APBA3: variants seen among roughly 807,000 people sequenced by gnomAD.
APBA3 encodes the protein amyloid beta precursor protein binding family A member 3, also known as amyloid-beta A4 precursor protein-binding family A member 3.
Under a neutral mutation model 55.9 loss-of-function variants are expected in APBA3, and 45 were observed. The ratio of observed to expected loss-of-function variants is 0.80; its 90% CI spans 0.63 to 1.03. The LOEUF is 1.03. Ranked by LOEUF, APBA3 falls within the 50% of genes least tolerant of loss-of-function variation. The probability of loss-of-function intolerance (pLI) is 0.00; values close to 1 mark genes in which losing one functional copy is unlikely to be tolerated. For missense variants in APBA3, 865 were observed against 820.3 expected (o/e 1.05, Z -0.67); for synonymous variants, 370 against 353.3 (o/e 1.05, Z -0.53).
Position 3,751,327 on chromosome 19 carries a change from G to C in APBA3, c.1518C>G (p.Ile506Met). Residue 506 changes from isoleucine (I) to methionine (M), a missense_variant and splice_region_variant, in exon 10 of 11, where the codon ATC (isoleucine) becomes ATG (methionine). Ile to Met is a conservative substitution (Grantham distance 10, BLOSUM62 1). Transcript: ENST00000316757. ...QLGFCVEDGI[I>M]CSLLRGGIAE... Reference sequence around the variant, plus strand: ...CGATGCCACCACGGAGGAGGCTGCAGATCTGGGGGAGAAAAGAGGGGGACG... The same window carrying C: ...CGATGCCACCACGGAGGAGGCTGCACATCTGGGGGAGAAAAGAGGGGGACG... 1 of 1,533,340 alleles carries C rather than the reference G, an allele frequency of 6.5e-7. No homozygotes were observed. The highest frequency in any genetic ancestry group is 8.7e-7 in the Non-Finnish European group (1 of 1,142,858). 95.0% of individuals were successfully genotyped at this position (1,533,340 alleles called of 1,614,324 possible).
chr19:3,759,965 G>A lies in APBA3; in HGVS notation c.300C>T (p.His100=), dbSNP rs781265923. 3.5e-5 allele frequency: 56 copies of A among 1,609,906 alleles called. 1 individual carries two copies. The highest frequency in any genetic ancestry group is 3.4e-4 in the Admixed American group (20 of 58,776). ...GLASQEIADA[H]GLLSAEAGRD... ...GGCCAGCTTCGGCAGACAGGAGCCC[G>A]TGGGCATCAGCAATCTCCTGGGAGG... Residue 100 remains histidine, a synonymous_variant, in exon 2 of 11, where the codon CAC becomes CAT. Coordinates refer to ENST00000316757, the MANE Select transcript of APBA3 (RefSeq NM_004886.4).
intron 3 of APBA3, chr19:3,754,944 G>A (rs1305176529): frequency 1.3e-5 from 2 of 151,712 alleles, no homozygotes; most frequent in African/African-American, 4.9e-5. Context: ...TGGGATGACA[G>A]GCGTGAGCCA....
rs192420561 is a variant in APBA3, at chr19:3,761,647, C to G, written c.-149G>C. Reference sequence around the variant, plus strand: ...CCAGAAGGCGCAGCTCGGGGATTCCCGGTCCCGGCGCCCGCTCCTCTATCC... The same window carrying G: ...CCAGAAGGCGCAGCTCGGGGATTCCGGGTCCCGGCGCCCGCTCCTCTATCC... On this transcript the variant is annotated 5_prime_UTR_variant, in exon 1 of 11. Coordinates refer to ENST00000316757, the MANE Select transcript of APBA3 (RefSeq NM_004886.4). 1,128 of 152,550 alleles carry G rather than the reference C, an allele frequency of 7.4e-3. 9 individuals are homozygous for G. The highest frequency in any genetic ancestry group is 0.02 in the Middle Eastern group (6 of 296). The allele number at this position is 152,550 out of a possible 1,614,324, so 9.4% of individuals were successfully genotyped here. A position where few individuals can be genotyped will look rare whatever the true frequency, so the allele number is the denominator to read the frequency against.
chr19:3,760,116 A>G lies in APBA3; in HGVS notation c.149T>C (p.Met50Thr), dbSNP rs1406223604. Residue 50 changes from methionine (M) to threonine (T), a missense_variant, in exon 2 of 11, where the codon ATG becomes ACG. By Grantham distance (81) the Met-to-Thr change is moderately conservative. Transcript: ENST00000316757. ...CTGAAGGCTTGACTCATCAAGTTCC[A>G]TCCGACTGAGGCTGCCGGGGCCTCC... The part of the protein sequence containing the change: ...MPGGPGSLSR[M>T]ELDESSLQEL... 1 of 1,613,378 alleles carries G rather than the reference A, an allele frequency of 6.2e-7. No individual in the cohort carries two copies. Among genetic ancestry groups the G allele is most frequent in the East Asian group, 2.2e-5 (1 of 44,874 alleles).
In APBA3 at chr19:3,750,854, C is replaced by G; in HGVS notation, c.*172G>C. The G allele has an allele frequency of 1.0e-6, 1 of 974,668 alleles. No individual in the cohort carries two copies. Among genetic ancestry groups the G allele is most frequent in the East Asian group, 2.6e-5 (1 of 38,238 alleles). 60.4% of individuals were successfully genotyped at this position (974,668 alleles called of 1,614,324 possible). A position where few individuals can be genotyped will look rare whatever the true frequency, so the allele number is the denominator to read the frequency against. Reference sequence around the variant, plus strand: ...TTCCAGGAAGGACAAGGTCCTCGGTCCCGTAGACCCTGATCCGAGACTTTG... The same window carrying G: ...TTCCAGGAAGGACAAGGTCCTCGGTGCCGTAGACCCTGATCCGAGACTTTG... On this transcript the variant is annotated 3_prime_UTR_variant, in exon 11 of 11. Transcript: ENST00000316757.
In APBA3 at chr19:3,754,118, G is replaced by A; in HGVS notation, c.763-13C>T. ...CCCCATCGGGGGCCTGTGGGTGGCG[G>A]CGTGGGAGGTGGAGGCCCCCACAGA... On this transcript the variant is annotated splice_polypyrimidine_tract_variant and intron_variant, in intron 4 of 10. Coordinates refer to ENST00000316757, the MANE Select transcript of APBA3 (RefSeq NM_004886.4). The A allele has an allele frequency of 6.3e-7, 1 of 1,588,516 alleles. No individual in the cohort carries two copies.
rs2037045478 is a variant in APBA3, at chr19:3,754,074, T to C, written c.794A>G (p.Glu265Gly). 6.2e-7 allele frequency: 1 copy of C among 1,609,908 alleles called. No individual in the cohort carries two copies. Among genetic ancestry groups the C allele is most frequent in the Non-Finnish European group, 8.5e-7 (1 of 1,178,308 alleles). ...CTTGGTGGAGACGAACAGGTCCACC[T>C]CCGTCATGGGCTGGGTCTCCCCATC... ...APDGETQPMT[E>G]VDLFVSTKRI... The change falls in exon 5 of 11, where the codon GAG (glutamate) becomes GGG (glycine). Residue 265 changes from glutamate (E) to glycine (G), a missense_variant. Physicochemically the swap from Glu to Gly is moderately conservative, Grantham distance 98. Transcript: ENST00000316757.
Position 3,753,896 on chromosome 19 carries a change from T to C in APBA3, c.880A>G (p.Ile294Val), listed in dbSNP as rs1312302588. Residue 294 changes from isoleucine to valine, a missense_variant, in exon 6 of 11, where the codon ATC (isoleucine) becomes GTC (valine). Transcript: ENST00000316757. ...EAMMDHALHT[I>V]SYTADIGCVL... Reference sequence around the variant, plus strand: ...CAGCCGATGTCGGCTGTGTAGGAGATGGTATGCAGGGCGTGGTCCATCATG... The same window carrying C: ...CAGCCGATGTCGGCTGTGTAGGAGACGGTATGCAGGGCGTGGTCCATCATG... 4 of 1,557,330 alleles carry C rather than the reference T, an allele frequency of 2.6e-6. No homozygotes were observed. In the African/African-American group the frequency reaches 4.1e-5, roughly 16 times the overall value.
intron 7 of APBA3, 38 bp downstream of exon 7, chr19:3,752,782 G>T: frequency 6.2e-7 from 1 of 1,610,130 alleles, no homozygotes. Context: ...CACGGGTGTG[G>T]GGGGCACCAG....
Position 3,753,942 on chromosome 19 carries a change from C to A in APBA3, c.850-16G>T, listed in dbSNP as rs1333610566. 3 of 1,556,336 alleles carry A rather than the reference C, an allele frequency of 1.9e-6. No individual in the cohort carries two copies. In the South Asian group the frequency reaches 3.5e-5, roughly 18 times the overall value. On this transcript the variant is annotated splice_polypyrimidine_tract_variant and intron_variant, in intron 5 of 10. Transcript: ENST00000316757. ...TCATGGCCTCCTGGGGCGGGAGAGG[C>A]AGCCTGGGTGGGTTGGGGGGCCGTG...
In APBA3 at chr19:3,751,314, G is replaced by A. The variant is rs981949974; in HGVS notation, c.1531C>T (p.Arg511Cys). ...VEDGIICSLL[R>C]GGIAERGGIR... is the part of the protein sequence containing the mutation. The stretch of plus-strand genomic sequence containing the variant: ...CCCCCACGCTCGGCGATGCCACCAC[G>A]GAGGAGGCTGCAGATCTGGGGGAGA... Residue 511 changes from arginine (R) to cysteine (C), a missense_variant, in exon 10 of 11, where the codon CGT becomes TGT. Physicochemically the swap from Arg to Cys is radical, Grantham distance 180 (BLOSUM62 -3). Transcript: ENST00000316757. 7.2e-6 allele frequency: 11 copies of A among 1,537,604 alleles called. No individual in the cohort carries two copies. The highest frequency in any genetic ancestry group is 2.7e-5 in the African/African-American group (2 of 73,082).
intron 10 of APBA3, 41 bp from the exon 11 acceptor site, chr19:3,751,138 G>T (rs1019056436): frequency 1.5e-5 from 24 of 1,558,192 alleles, no homozygotes; most frequent in Non-Finnish European, 2.0e-5. Flanking sequence ...GCAGGCCTGG[G>T]CTCGTGGGGG....
At position 3,760,164 on chromosome 19, in the gene APBA3, T is replaced by A. The variant is rs775704460; in HGVS notation, c.101A>T (p.Asp34Val). The change falls in exon 2 of 11, where the codon GAC becomes GTC. Residue 34 changes from aspartate to valine, a missense_variant. By Grantham distance (152) the Asp-to-Val change is radical (BLOSUM62 -3). Transcript: ENST00000316757. ...TCCTGGCATAGGGTCCCACTGGCTG[T>A]CAGGGGTGAGGTCCTCCGAAGGCAC... ...ILVPSEDLTP[D>V]SQWDPMPGGP... The A allele has an allele frequency of 2.4e-5, 38 of 1,613,186 alleles. No homozygotes were observed. Among genetic ancestry groups the A allele is most frequent in the Non-Finnish European group, 2.8e-5 (33 of 1,180,030 alleles).
At chr19:3,759,325 C>T (rs143007867) in intron 3 of APBA3, among the ~76,000 whole-genome samples, 3 of 152,204 alleles carry the variant, frequency 2.0e-5, no homozygotes, top group Non-Finnish European at 4.4e-5. Flanking sequence ...TTGCCAAGCC[C>T]GGTTCTAGAA....
At position 3,752,827 on chromosome 19, in the gene APBA3, C is replaced by A; in HGVS notation, c.1175G>T (p.Cys392Phe). ...GCCCAGCACCTCACTCACCTCCCGG[C>A]AGTTGTCACTGTTGGAGAAGTGGTC... ...DLDHFSNSDN[C>F]REVHLEKRRG... The change falls in exon 7 of 11, where the codon TGC becomes TTC. Residue 392 changes from cysteine (C) to phenylalanine (F), a missense_variant. Transcript: ENST00000316757. 1 of 1,613,104 alleles carries A rather than the reference C, an allele frequency of 6.2e-7. No individual in the cohort carries two copies. The highest frequency in any genetic ancestry group is 8.5e-7 in the Non-Finnish European group (1 of 1,179,816).
chr19:3,754,138 C>T (rs2145719911), intron 4 of APBA3, 33 bp from the exon 5 acceptor site: 1 of 1,564,168 alleles, frequency 6.4e-7, no homozygotes, highest in Non-Finnish European at 8.7e-7. Flanking sequence ...TGGAGGCCCC[C>T]ACAGACCCAG....
rs371868349 is a variant in APBA3, at chr19:3,753,829, G to A, written c.947C>T (p.Pro316Leu). Residue 316 changes from proline (P) to leucine (L), a missense_variant, in exon 6 of 11, where the codon CCG becomes CTG. Coordinates refer to ENST00000316757, the MANE Select transcript of APBA3 (RefSeq NM_004886.4). ...LMARRRLARRPAPQDHGRRLY... is the reference protein window; with the variant it reads ...LMARRRLARRLAPQDHGRRLY... ...GCGGCGGCCGTGGTCCTGGGGTGCC[G>A]GCCTCCGTGCCAGCCGCCGCCGCGC... 3.6e-5 allele frequency: 56 copies of A among 1,575,276 alleles called. No individual in the cohort carries two copies. Among genetic ancestry groups the A allele is most frequent in the Middle Eastern group, 3.3e-4 (2 of 6,014 alleles).
rs752101316 is a variant in APBA3 at position 3,759,861 on chromosome 19, G to A, written c.404C>T (p.Ala135Val). 8.7e-6 allele frequency: 14 copies of A among 1,612,572 alleles called. No individual in the cohort carries two copies. The highest frequency in any genetic ancestry group is 2.2e-5 in the East Asian group (1 of 44,870). ...QTGPEEPLEP[A>V]PRLLQPPEDP... ...CTCAGGGGGCTGCAACAGTCGGGGG[G>A]CAGGCTCTAGAGGCTCTTCAGGACC... The change falls in exon 2 of 11, where the codon GCC (alanine) becomes GTC (valine). Residue 135 changes from alanine to valine, a missense_variant. Physicochemically the swap from Ala to Val is moderately conservative, Grantham distance 64. Transcript: ENST00000316757.
chr19:3,751,593 C>T (rs752192985), intron 8 of APBA3, 40 bp from the exon 9 acceptor site: 1 of 1,553,452 alleles, frequency 6.4e-7, no homozygotes, highest in Admixed American at 2.0e-5. Context: ...AGCTGCCGGA[C>T]AGCCTGGCAG....
Sources: gnomAD v4.1 joint callset for allele counts (sites outside exome capture counted in the v4.1 genomes callset) on GRCh38, gnomAD v4.1.1 for gene constraint, MANE v1.5 for transcripts, NCBI Gene and HGNC (gene_info 2026-07-23, HGNC 2026-07-21) for gene names.